Variants in LRRC7 observed in about 807,000 individuals in gnomAD.
LRRC7 encodes the protein leucine rich repeat containing 7.
In LRRC7, 23 loss-of-function variants were observed where a neutral mutation model predicts 175.7. That is an observed-to-expected ratio of 0.13 (90% confidence interval 0.09 to 0.19). The LOEUF (loss-of-function observed/expected upper bound fraction) is 0.19, where lower values mean the gene tolerates loss of function less well. Ranked by LOEUF, LRRC7 falls within the 10% of genes least tolerant of loss-of-function variation. The pLI is 1.00. For synonymous variants in LRRC7, 685 were observed against 680.9 expected (o/e 1.01, Z -0.09); for missense variants, 1,354 against 1,904.7 (o/e 0.71, Z 5.38).
intron 8 of LRRC7, among the ~76,000 whole-genome samples, chr1:69,978,607 T>A (rs1444953044): frequency 1.3e-5 from 2 of 152,184 alleles, no homozygotes; most frequent in African/African-American, 2.4e-5. Context: ...TGTCTCTAAT[T>A]TTAAATTTCA....
At chr1:69,835,539 T>C (rs970370245) in intron 6 of LRRC7, among the ~76,000 whole-genome samples, 1 of 151,830 alleles carries the variant, frequency 6.6e-6, no homozygotes, top group African/African-American at 2.4e-5. Flanking sequence ...TGCAAAAAAA[T>C]TTTTTAGAGT....
intron 11 of LRRC7, among the ~76,000 whole-genome samples, chr1:69,996,673 T>A (rs1655004608): frequency 6.6e-6 from 1 of 152,286 alleles, no homozygotes; most frequent in Admixed American, 6.5e-5. Flanking sequence ...CCCCATTTCT[T>A]GTTTTTCTCA....
At chr1:69,783,084 G>C (rs6699730) in intron 3 of LRRC7, among the ~76,000 whole-genome samples, 9,626 of 152,134 alleles carry the variant, frequency 0.063, 330 homozygotes, top group South Asian at 0.11. Context: ...ACAGCCACTT[G>C]CTTTTTGTTG....
At position 69,856,942 on chromosome 1, in the gene LRRC7, C is replaced by T. The variant is rs146258703; in HGVS notation, c.647+18659C>T. The stretch of plus-strand genomic sequence containing the variant: ...GATCAAGTGGGCTTCATCCCTGGGA[C>T]GCAAGGCTGGTTCAACATACACAAA... On this transcript the variant is annotated intron_variant, in intron 7 of 26. Transcript: ENST00000651989. Among the ~76,000 whole-genome samples, 494 of 152,120 alleles carry T rather than the reference C, an allele frequency of 3.2e-3. 1 individual carries two copies. The highest frequency in any genetic ancestry group is 0.011 in the African/African-American group (444 of 41,508).
At chr1:69,579,788 T>C (rs1462782531) in intron 1 of LRRC7, among the ~76,000 whole-genome samples, 1 of 139,496 alleles carries the variant, frequency 7.2e-6, no homozygotes, top group Non-Finnish European at 1.5e-5. Flanking sequence ...CTCTTTTGAA[T>C]AGAAGCTTTT....
chr1:69,791,855 C>T (rs1392516919), intron 3 of LRRC7, among the ~76,000 whole-genome samples, 188 bp from the exon 4 acceptor site: 2 of 151,810 alleles, frequency 1.3e-5, no homozygotes, highest in Non-Finnish European at 2.9e-5. Flanking sequence ...AATAGAGGCA[C>T]TAACATGGGA....
intron 18 of LRRC7, among the ~76,000 whole-genome samples, chr1:70,030,693 T>G (rs1366845425): frequency 6.6e-6 from 1 of 152,056 alleles, no homozygotes; most frequent in Admixed American, 6.5e-5. Flanking sequence ...TTTATTCATG[T>G]GATTAAATAT....
At chr1:69,722,326 C>CT (rs1442044882) in intron 2 of LRRC7, among the ~76,000 whole-genome samples, 1 of 151,968 alleles carries the variant, frequency 6.6e-6, no homozygotes, top group Non-Finnish European at 1.5e-5. Flanking sequence ...TGCAACCAGT[C>CT]TTTTGCTATC....
At chr1:69,760,118 A>T in intron 2 of LRRC7, 73 bp from the exon 3 acceptor site, 1 of 1,480,740 alleles carries the variant, frequency 6.8e-7, no homozygotes, top group Non-Finnish European at 9.2e-7. Flanking sequence ...TCTAAGCTTT[A>T]AATATTACAA....
intron 7 of LRRC7, among the ~76,000 whole-genome samples, chr1:69,897,827 C>T (rs1646023258): frequency 6.6e-6 from 1 of 152,182 alleles, no homozygotes; most frequent in South Asian, 2.1e-4. Flanking sequence ...TTTGAAGAGT[C>T]TTTGAAGATA....
intron 7 of LRRC7, among the ~76,000 whole-genome samples, chr1:69,910,697 A>G (rs1646497060): frequency 6.6e-6 from 1 of 152,224 alleles, no homozygotes. Flanking sequence ...CTCCAGCTGC[A>G]TGCTGGGAGA....
At chr1:69,956,533 T>C (rs1380292534) in intron 8 of LRRC7, among the ~76,000 whole-genome samples, 1 of 151,816 alleles carries the variant, frequency 6.6e-6, no homozygotes, top group Non-Finnish European at 1.5e-5. Flanking sequence ...AGGTTGGGGA[T>C]AGATGTTGAA....
At chr1:70,064,422 GA>G (rs1274482675) in intron 23 of LRRC7, among the ~76,000 whole-genome samples, 1 of 151,838 alleles carries the variant, frequency 6.6e-6, no homozygotes, top group African/African-American at 2.4e-5. Flanking sequence ...TTAGAGGTAT[GA>G]AATTGAGCGA....
chr1:70,108,624 TC>T (rs1253064091), intron 26 of LRRC7, among the ~76,000 whole-genome samples: 1 of 152,234 alleles, frequency 6.6e-6, no homozygotes, highest in Non-Finnish European at 1.5e-5. Context: ...CCCAGAAATT[TC>T]CCGTTATATA....
chr1:69,826,501 A>G (rs1679928291), intron 5 of LRRC7, among the ~76,000 whole-genome samples: 1 of 152,158 alleles, frequency 6.6e-6, no homozygotes, highest in South Asian at 2.1e-4. Context: ...AAGCAATAAA[A>G]TAAATTGATT....
At chr1:69,760,434 T>C (rs760915445) in intron 3 of LRRC7, 41 bp downstream of exon 3, 1 of 1,499,842 alleles carries the variant, frequency 6.7e-7, no homozygotes, top group Non-Finnish European at 9.2e-7. Context: ...TAAATGAGTA[T>C]TTCATAATTT....
chr1:69,793,068 G>A (rs1288817974), intron 4 of LRRC7, among the ~76,000 whole-genome samples: 2 of 152,070 alleles, frequency 1.3e-5, no homozygotes, highest in African/African-American at 2.4e-5. Flanking sequence ...CACAAGTAGT[G>A]CTTTGGTTAT....
At chr1:69,841,277 T>C (rs1681699797) in intron 7 of LRRC7, among the ~76,000 whole-genome samples, 2 of 152,076 alleles carry the variant, frequency 1.3e-5, no homozygotes, top group African/African-American at 2.4e-5. Context: ...AGCAAGTGAT[T>C]TGAGAGAGAG....
At chr1:70,074,374 CA>C (rs1321011862) in intron 23 of LRRC7, among the ~76,000 whole-genome samples, 1 of 152,140 alleles carries the variant, frequency 6.6e-6, no homozygotes, top group Non-Finnish European at 1.5e-5. Context: ...AACTCGACCA[CA>C]AGGGTGTTTA....
Sources: allele counts gnomAD v4.1 joint callset (sites outside exome capture counted in the v4.1 genomes callset), GRCh38; gene constraint gnomAD v4.1.1; transcripts MANE v1.5; gene names NCBI Gene and HGNC (gene_info 2026-07-23, HGNC 2026-07-21).